The following ADD3 variants were observed in gnomAD, a reference collection of about 807,000 sequenced individuals.
The protein encoded by ADD3 is adducin 3.
ADD3 carries 25 observed loss-of-function variants against 80.2 expected under a neutral mutation model. That is an observed-to-expected ratio of 0.31 (90% CI 0.23 to 0.44). The LOEUF (loss-of-function observed/expected upper bound fraction) is 0.44, where lower values mean the gene tolerates loss of function less well. Ranked by LOEUF, ADD3 falls within the 20% of genes least tolerant of loss-of-function variation. ADD3 has a pLI of 1.00. For synonymous variants in ADD3, 284 were observed against 289.6 expected, an observed-to-expected ratio of 0.98 and a Z score of 0.20; for missense variants, 829 against 847.5, an observed-to-expected ratio of 0.98 and a Z score of 0.27.
At chr10:110,097,606 A>G (rs1030938982) in intron 1 of ADD3, among the ~76,000 whole-genome samples, 2 of 152,090 alleles carry the variant, frequency 1.3e-5, no homozygotes, top group African/African-American at 4.8e-5. Flanking sequence ...TGTAAATACT[A>G]TTATCAAATT....
chr10:110,015,586 G>A (rs190899542), intron 1 of ADD3, among the ~76,000 whole-genome samples: 35 of 152,006 alleles, frequency 2.3e-4, no homozygotes, highest in Non-Finnish European at 1.6e-4. Context: ...ATGTTAGCCC[G>A]GATGGTCTCG....
At chr10:110,125,749 C>A in intron 10 of ADD3, 77 bp from the exon 11 acceptor site, 1 of 1,136,006 alleles carries the variant, frequency 8.8e-7, no homozygotes, top group Non-Finnish European at 1.2e-6. Context: ...CCTCTTGAGA[C>A]TATAAGCAGT....
At chr10:110,004,509 C>T (rs1030307479), upstream of ADD3, among the ~76,000 whole-genome samples, 4 of 151,946 alleles carry the variant, frequency 2.6e-5, no homozygotes, top group Non-Finnish European at 4.4e-5. Flanking sequence ...CAGGGTTTCA[C>T]CATGTTGGCC....
At chr10:110,059,800 A>G (rs576657057) in intron 1 of ADD3, among the ~76,000 whole-genome samples, 5 of 152,330 alleles carry the variant, frequency 3.3e-5, no homozygotes, top group African/African-American at 1.2e-4. Context: ...AAGATCATTC[A>G]TACAAGTATG....
chr10:110,055,872 C>G (rs1858126276), intron 1 of ADD3, among the ~76,000 whole-genome samples: 1 of 152,196 alleles, frequency 6.6e-6, no homozygotes, highest in South Asian at 2.1e-4. Flanking sequence ...TCAAGACTTT[C>G]TTGGCATAGT....
intron 1 of ADD3, among the ~76,000 whole-genome samples, chr10:110,084,815 G>A (rs1047563719): frequency 2.6e-5 from 4 of 152,050 alleles, no homozygotes; most frequent in East Asian, 1.9e-4. Flanking sequence ...CCTAACAAAC[G>A]TATGAAAGTT....
In ADD3 at chr10:110,100,845, T is replaced by C. The variant is rs749078661; in HGVS notation, c.192T>C (p.Ser64=). ...QRKRVTQILQ[S]PAFREDLECL... ...AACGAGTTACTCAGATCCTGCAAAG[T>C]CCTGTGAGTTGAATTAGAAGGCTGT... The change falls in exon 2 of 15, where the codon AGT becomes AGC. Residue 64 remains serine, a synonymous_variant. Transcript: ENST00000356080. 6.3e-7 allele frequency: 1 copy of C among 1,591,892 alleles called. No individual in the cohort carries two copies. Among genetic ancestry groups the C allele is most frequent in the South Asian group, 1.1e-5 (1 of 87,896 alleles).
At chr10:110,121,093 A>G (rs943430733) in intron 8 of ADD3, among the ~76,000 whole-genome samples, 1 of 152,120 alleles carries the variant, frequency 6.6e-6, no homozygotes, top group African/African-American at 2.4e-5. Flanking sequence ...GGCATGGGCA[A>G]GGACTTCATG....
chr10:110,077,311 CTTTCTT>C (rs1845483771), intron 1 of ADD3, among the ~76,000 whole-genome samples: 1 of 149,634 alleles, frequency 6.7e-6, no homozygotes, highest in Non-Finnish European at 1.5e-5. Context: ...TTTTCTTTCT[CTTTCTT>C]AAACAGTTTA....
intron 1 of ADD3, among the ~76,000 whole-genome samples, chr10:110,064,621 A>T (rs975322570): frequency 2.0e-5 from 3 of 152,204 alleles, no homozygotes; most frequent in South Asian, 2.1e-4. Flanking sequence ...GTCTAAAAAG[A>T]TATATTCTGG....
chr10:110,027,760 GA>G (rs1280081226), intron 1 of ADD3, among the ~76,000 whole-genome samples: 1 of 152,096 alleles, frequency 6.6e-6, no homozygotes, highest in Non-Finnish European at 1.5e-5. Flanking sequence ...CTCTATAATT[GA>G]AAGGAAAATG....
At chr10:110,046,960 C>G (rs934806078) in intron 1 of ADD3, among the ~76,000 whole-genome samples, 1 of 151,870 alleles carries the variant, frequency 6.6e-6, no homozygotes, top group Non-Finnish European at 1.5e-5. Flanking sequence ...TTCAGTGATT[C>G]TGAAGTGATG....
chr10:110,029,403 G>A (rs917036744), intron 1 of ADD3, among the ~76,000 whole-genome samples: 2 of 152,160 alleles, frequency 1.3e-5, no homozygotes, highest in African/African-American at 2.4e-5. Context: ...TCTTCTTCCG[G>A]CATTAACATT....
At chr10:110,081,730 T>C (rs926750030) in intron 1 of ADD3, among the ~76,000 whole-genome samples, 1 of 152,250 alleles carries the variant, frequency 6.6e-6, no homozygotes, top group Non-Finnish European at 1.5e-5. Context: ...TTTTAACAAT[T>C]GCTTATATGA....
intron 1 of ADD3, among the ~76,000 whole-genome samples, chr10:110,081,062 A>G (rs1845998043): frequency 2.0e-5 from 3 of 152,222 alleles, no homozygotes; most frequent in South Asian, 4.1e-4. Flanking sequence ...TGTAATTACA[A>G]CTGGAAGATA....
At chr10:110,127,478 G>C (rs548180661) in intron 12 of ADD3, among the ~76,000 whole-genome samples, 2 of 152,150 alleles carry the variant, frequency 1.3e-5, no homozygotes, top group Non-Finnish European at 2.9e-5. Context: ...TTAGCTGTGC[G>C]TGGTGGCGTG....
Position 110,118,653 on chromosome 10 carries a change from G to A in ADD3, c.634G>A (p.Gly212Arg), listed in dbSNP as rs1469203632. Residue 212 changes from glycine to arginine, a missense_variant, in exon 6 of 15, where the codon GGA becomes AGA. Transcript: ENST00000356080. Reference sequence around the variant, plus strand: ...TACCAATTTGAAAATTGACCATACAGGATTCAGTCCCCATGCTGCAATCTA... The same window carrying A: ...TACCAATTTGAAAATTGACCATACAAGATTCAGTCCCCATGCTGCAATCTA... Reference protein sequence around the residue: ...GSTNLKIDHTGFSPHAAIYST... With the variant: ...GSTNLKIDHTRFSPHAAIYST... 3.1e-6 allele frequency: 5 copies of A among 1,613,550 alleles called. No homozygotes were observed. The highest frequency in any genetic ancestry group is 1.1e-5 in the South Asian group (1 of 91,080).
chr10:110,024,365 C>CA (rs962546936), intron 1 of ADD3, among the ~76,000 whole-genome samples: 6 of 151,528 alleles, frequency 4.0e-5, no homozygotes, highest in Admixed American at 6.6e-5. Flanking sequence ...AAATTATTGC[C>CA]AAAAAAAATC....
At chr10:109,999,945 A>G (rs1456220168) in intron 1 of ADD3, among the ~76,000 whole-genome samples, 1 of 144,690 alleles carries the variant, frequency 6.9e-6, no homozygotes, top group Non-Finnish European at 1.5e-5. Flanking sequence ...TTTGAGACAG[A>G]GTCTCAATGT....
Sources: gnomAD v4.1 joint callset for allele counts (sites outside exome capture counted in the v4.1 genomes callset) on GRCh38, gnomAD v4.1.1 for gene constraint, MANE v1.5 for transcripts, NCBI Gene and HGNC (gene_info 2026-07-23, HGNC 2026-07-21) for gene names.